ZNF695: variants seen among roughly 807,000 people sequenced by gnomAD.
ZNF695 encodes the protein zinc finger protein 695.
ZNF695 carries 11 observed loss-of-function variants against 11.2 expected under a neutral mutation model. The observed-to-expected ratio is 0.98, with a 90% confidence interval of 0.62 to 1.62. The LOEUF (loss-of-function observed/expected upper bound fraction) is 1.62, where lower values mean the gene tolerates loss of function less well. Ranked by LOEUF, ZNF695 falls within the 40% of genes most tolerant of loss-of-function variation. The pLI is 0.00. For missense variants in ZNF695, 559 were observed against 590.5 expected (o/e 0.95, Z 0.55); for synonymous variants, 190 against 201.4 (o/e 0.94, Z 0.48).
chr1:246,954,449 T>A (rs1234721159), intron 5 of ZNF695, among the ~76,000 whole-genome samples: 1 of 152,196 alleles, frequency 6.6e-6, no homozygotes, highest in Non-Finnish European at 1.5e-5. Context: ...TGGCCTAAGA[T>A]TGATCCAAAA....
chr1:246,993,299 T>C (rs1669094415), intron 3 of ZNF695, among the ~76,000 whole-genome samples: 1 of 151,864 alleles, frequency 6.6e-6, no homozygotes, highest in Non-Finnish European at 1.5e-5. Flanking sequence ...CCCAGCTACT[T>C]GGGAGGCTAA....
intron 1 of ZNF695, among the ~76,000 whole-genome samples, chr1:247,007,648 C>T (rs536288925): frequency 3.3e-5 from 5 of 152,164 alleles, no homozygotes; most frequent in Non-Finnish European, 7.4e-5. Flanking sequence ...CGCGGGGCTG[C>T]CCCGGGAGGG....
chr1:246,965,090 G>A (rs374882394), intron 5 of ZNF695, among the ~76,000 whole-genome samples: 27 of 151,884 alleles, frequency 1.8e-4, no homozygotes, highest in African/African-American at 5.3e-4. Flanking sequence ...AAGACAGGCC[G>A]GGCACGGTGG....
chr1:246,994,418 G>A (rs530372464), intron 3 of ZNF695, among the ~76,000 whole-genome samples: 52 of 152,278 alleles, frequency 3.4e-4, no homozygotes, highest in Middle Eastern at 6.8e-3. Flanking sequence ...GCACGCGCCT[G>A]TAACCCCAGC....
intron 2 of ZNF695, 28 bp downstream of exon 2, chr1:246,999,884 C>A (rs766525482): frequency 2.5e-6 from 4 of 1,608,882 alleles, no homozygotes; most frequent in Non-Finnish European, 3.4e-6. Flanking sequence ...AGAAAACATT[C>A]TACAAAGGAA....
At chr1:246,948,944 G>A (rs1199212553) in intron 5 of ZNF695, among the ~76,000 whole-genome samples, 1 of 152,136 alleles carries the variant, frequency 6.6e-6, no homozygotes, top group Non-Finnish European at 1.5e-5. Flanking sequence ...CATACCCTAT[G>A]TACAATACCT....
chr1:246,964,862 G>T (rs1668247024), intron 5 of ZNF695, among the ~76,000 whole-genome samples: 2 of 151,774 alleles, frequency 1.3e-5, no homozygotes, highest in South Asian at 4.2e-4. Context: ...CAGAGTGAGT[G>T]AGACTCTGTC....
At chr1:246,974,049 T>C (rs1268084883) in intron 4 of ZNF695, among the ~76,000 whole-genome samples, 5 of 152,236 alleles carry the variant, frequency 3.3e-5, no homozygotes, top group African/African-American at 1.2e-4. Context: ...AAGTATTTTT[T>C]CATAAGCAGA....
chr1:246,988,534 G>C (rs920713502), intron 3 of ZNF695, among the ~76,000 whole-genome samples: 10 of 152,092 alleles, frequency 6.6e-5, no homozygotes, highest in South Asian at 2.1e-4. Flanking sequence ...GGCCAGGAGA[G>C]AGTGGTATGA....
intron 4 of ZNF695, among the ~76,000 whole-genome samples, chr1:246,980,178 T>TAAAA (rs71566679): frequency 1.1e-4 from 10 of 88,750 alleles, no homozygotes; most frequent in Admixed American, 1.2e-4. Flanking sequence ...ACTCTGTATT[T>TAAAA]AAAAAAAAAA....
intron 5 of ZNF695, among the ~76,000 whole-genome samples, chr1:246,952,484 T>G (rs1457620469): frequency 6.6e-6 from 1 of 152,138 alleles, no homozygotes; most frequent in Non-Finnish European, 1.5e-5. Flanking sequence ...CAGCACATAT[T>G]AGGTATTCAA....
At chr1:246,999,259 G>A in intron 3 of ZNF695, 89 bp downstream of exon 3, 1 of 1,054,006 alleles carries the variant, frequency 9.5e-7, no homozygotes, top group Non-Finnish European at 1.5e-6. Context: ...TTTCCTGGGA[G>A]TAGAGCTTCC....
chr1:246,958,879 C>A (rs1308277960), intron 5 of ZNF695, among the ~76,000 whole-genome samples: 1 of 152,070 alleles, frequency 6.6e-6, no homozygotes, highest in Non-Finnish European at 1.5e-5. Flanking sequence ...TTTAAGAAAG[C>A]GAGTGCCACT....
At chr1:246,968,078 A>T (rs1019723052) in intron 4 of ZNF695, 3 of 152,918 alleles carry the variant, frequency 2.0e-5, no homozygotes, top group Non-Finnish European at 2.9e-5. Context: ...CAAAGTCTTA[A>T]CTCATTTCAG....
At chr1:246,990,168 GAAGGAAAGA>G (rs1668987166) in intron 3 of ZNF695, among the ~76,000 whole-genome samples, 1 of 146,686 alleles carries the variant, frequency 6.8e-6, no homozygotes, top group African/African-American at 2.5e-5. Context: ...AGAGGAAAAG[GAAGGAAAGA>G]AAGGAAAGGA....
chr1:246,979,709 C>A (rs1341264432), intron 4 of ZNF695: 1 of 138,266 alleles, frequency 7.2e-6, no homozygotes, highest in Non-Finnish European at 1.6e-5. Context: ...TTTTGTTTCA[C>A]ATAATTTGCT....
chr1:246,991,412 C>T (rs1260478262), intron 3 of ZNF695, among the ~76,000 whole-genome samples: 1 of 152,028 alleles, frequency 6.6e-6, no homozygotes, highest in Non-Finnish European at 1.5e-5. Context: ...ATAAGGAGCT[C>T]AAACAACTCT....
intron 1 of ZNF695, among the ~76,000 whole-genome samples, 180 bp from the exon 2 acceptor site, chr1:247,000,254 C>T (rs1223323994): frequency 6.6e-6 from 1 of 152,172 alleles, no homozygotes; most frequent in Non-Finnish European, 1.5e-5. Flanking sequence ...CACCTGTAAT[C>T]CCAACACTTT....
intron 3 of ZNF695, among the ~76,000 whole-genome samples, chr1:246,993,218 C>G (rs889835507): frequency 6.6e-6 from 1 of 152,054 alleles, no homozygotes; most frequent in Non-Finnish European, 1.5e-5. Context: ...ACCAGCCTGG[C>G]CAACACGGTG....
Sources: allele counts gnomAD v4.1 joint callset (sites outside exome capture counted in the v4.1 genomes callset), GRCh38; gene constraint gnomAD v4.1.1; transcripts MANE v1.5; gene names NCBI Gene and HGNC (gene_info 2026-07-23, HGNC 2026-07-21).